Variants in SLC35G2 observed in about 807,000 individuals in gnomAD.
SLC35G2 encodes transmembrane protein 22.
In SLC35G2, 20 loss-of-function variants were observed where a neutral mutation model predicts 27.2. The ratio of observed to expected loss-of-function variants is 0.74; its 90% CI spans 0.52 to 1.07. The LOEUF is 1.07. SLC35G2 is among the 50% of genes least tolerant of loss of function. SLC35G2 has a pLI of 0.00. For missense variants in SLC35G2, 416 were observed against 493.3 expected, an observed-to-expected ratio of 0.84 and a Z score of 1.48; for synonymous variants, 148 against 165.3, an observed-to-expected ratio of 0.90 and a Z score of 0.80.
intron 1 of SLC35G2, among the ~76,000 whole-genome samples, chr3:136,850,551 C>A (rs1188633074): frequency 6.6e-6 from 1 of 151,472 alleles, no homozygotes; most frequent in Non-Finnish European, 1.5e-5. Context: ...ATCCTTTCTT[C>A]TATTAAACTC....
At chr3:136,851,463 G>A (rs1052167411) in intron 1 of SLC35G2, among the ~76,000 whole-genome samples, 7 of 115,532 alleles carry the variant, frequency 6.1e-5, no homozygotes, top group African/African-American at 1.9e-4. Context: ...GTGCCACTGC[G>A]CTCCAGCCTG....
chr3:136,845,570 A>C (rs1937334054), intron 1 of SLC35G2, among the ~76,000 whole-genome samples: 1 of 151,588 alleles, frequency 6.6e-6, no homozygotes. Context: ...AAATTACTTA[A>C]GGAACAGCTG....
At chr3:136,825,185 G>C (rs1936554698) in intron 1 of SLC35G2, among the ~76,000 whole-genome samples, 1 of 151,946 alleles carries the variant, frequency 6.6e-6, no homozygotes, top group Non-Finnish European at 1.5e-5. Flanking sequence ...TTGAAGGAAA[G>C]GCTTTCAGTT....
At chr3:136,841,969 C>G (rs1937118439) in intron 1 of SLC35G2, 1 of 151,900 alleles carries the variant, frequency 6.6e-6, no homozygotes, top group Non-Finnish European at 1.5e-5. Flanking sequence ...CTAGTATAAA[C>G]AAAAAGTAAT....
rs546821293 is a variant in SLC35G2 at position 136,821,953 on chromosome 3, C to G, written c.-19+2325C>G. Reference sequence around the variant, plus strand: ...GACTTTGACTACTTCATTTTTATTTCTATTTATATTAATTTTTAATTTTTG... The same window carrying G: ...GACTTTGACTACTTCATTTTTATTTGTATTTATATTAATTTTTAATTTTTG... On this transcript the variant is annotated intron_variant, in intron 1 of 1. Coordinates refer to ENST00000446465, the MANE Select transcript of SLC35G2 (RefSeq NM_025246.3). Among the ~76,000 whole-genome samples, 4 of 152,034 alleles carry G rather than the reference C, an allele frequency of 2.6e-5. No homozygotes were observed. In the East Asian group the frequency reaches 5.8e-4, roughly 22 times the overall value.
chr3:136,854,584 A>G lies in SLC35G2; in HGVS notation c.124A>G (p.Asn42Asp). The change falls in exon 2 of 2, where the codon AAT (asparagine) becomes GAT (aspartate). Residue 42 changes from asparagine (N) to aspartate (D), a missense_variant. Coordinates refer to ENST00000446465, the MANE Select transcript of SLC35G2 (RefSeq NM_025246.3). ...QPGDDGYEEI[N>D]EGYGNFMEEN... ...TGGCGATGATGGATATGAAGAAATC[A>G]ATGAAGGCTATGGAAATTTTATGGA... The G allele has an allele frequency of 6.2e-7, 1 of 1,613,346 alleles. No individual in the cohort carries two copies. The highest frequency in any genetic ancestry group is 8.5e-7 in the Non-Finnish European group (1 of 1,179,884).
Position 136,854,447 on chromosome 3 carries a change from G to C in SLC35G2, c.-14G>C. On this transcript the variant is annotated 5_prime_UTR_variant, in exon 2 of 2. Transcript: ENST00000446465. ...TCAATTTTTTTCTTTAAATAGAATT[G>C]ATTATCTGAAGAAATGGATACTTCT... is the stretch of plus-strand genomic sequence containing the variant. The C allele has an allele frequency of 1.9e-6, 3 of 1,546,082 alleles. No individual in the cohort carries two copies. The highest frequency in any genetic ancestry group is 2.6e-6 in the Non-Finnish European group (3 of 1,144,440).
intron 1 of SLC35G2, among the ~76,000 whole-genome samples, chr3:136,852,111 T>C (rs1386527109): frequency 2.6e-5 from 4 of 152,100 alleles, no homozygotes; most frequent in African/African-American, 9.7e-5. Context: ...GGGAAAAAAA[T>C]CTATTTGGGA....
chr3:136,832,869 C>G (rs1376265417), intron 1 of SLC35G2, among the ~76,000 whole-genome samples: 4 of 152,088 alleles, frequency 2.6e-5, no homozygotes, highest in Non-Finnish European at 5.9e-5. Flanking sequence ...GAGATCGACA[C>G]CATCCTGGCT....
intron 1 of SLC35G2, among the ~76,000 whole-genome samples, chr3:136,835,802 C>T (rs1444135999): frequency 1.3e-5 from 2 of 152,048 alleles, no homozygotes; most frequent in Admixed American, 1.3e-4. Flanking sequence ...GATTATAAGC[C>T]ATTACTATCA....
At chr3:136,839,155 G>A (rs2108010643) in intron 1 of SLC35G2, 1 of 151,058 alleles carries the variant, frequency 6.6e-6, no homozygotes, top group South Asian at 2.1e-4. Flanking sequence ...AGTGGTAGAT[G>A]ATAAATGTGT....
intron 1 of SLC35G2, among the ~76,000 whole-genome samples, chr3:136,845,894 G>T (rs558959171): frequency 6.8e-6 from 1 of 146,286 alleles, no homozygotes; most frequent in Non-Finnish European, 1.5e-5. Context: ...GCACCCGGCC[G>T]TAAAAAAAAA....
intron 1 of SLC35G2, among the ~76,000 whole-genome samples, chr3:136,840,111 C>G (rs12486911): frequency 0.35 from 53,234 of 152,118 alleles, 11,569 homozygotes; most frequent in East Asian, 0.75. Flanking sequence ...AACTAAGCAG[C>G]CTTCATCCCC....
At chr3:136,832,806 C>T (rs557053607) in intron 1 of SLC35G2, among the ~76,000 whole-genome samples, 9 of 152,244 alleles carry the variant, frequency 5.9e-5, no homozygotes, top group East Asian at 1.9e-4. Flanking sequence ...TGGTGGCTCA[C>T]GCCTGTAATC....
chr3:136,844,170 GAC>G lies in SLC35G2; in HGVS notation c.-18-10271_-18-10270del, dbSNP rs943624820. ...TTTCGCCACTGCACTCCAGCCTGGCGACAGAGTGAGACTCCGTCTCAAAAAGA... is the reference window on the plus strand; with the variant it reads ...TTTCGCCACTGCACTCCAGCCTGGCGAGAGTGAGACTCCGTCTCAAAAAGA... On this transcript the variant is annotated intron_variant, in intron 1 of 1. Transcript: ENST00000446465. Among the ~76,000 whole-genome samples, 16 of 151,458 alleles carry G rather than the reference GAC, an allele frequency of 1.1e-4. No individual in the cohort carries two copies. In the South Asian group the frequency reaches 2.7e-3, roughly 26 times the overall value.
intron 1 of SLC35G2, among the ~76,000 whole-genome samples, chr3:136,825,605 C>T (rs1463115699): frequency 2.0e-5 from 3 of 152,232 alleles, no homozygotes; most frequent in South Asian, 2.1e-4. Flanking sequence ...GGATTTTTAT[C>T]ATGAAGGGAT....
rs531697446 is a variant in SLC35G2, at chr3:136,854,515, C to T, written c.55C>T (p.Pro19Ser). 3 of 1,604,030 alleles carry T rather than the reference C, an allele frequency of 1.9e-6. No individual in the cohort carries two copies. The highest frequency in any genetic ancestry group is 2.6e-6 in the Non-Finnish European group (3 of 1,175,980). ...YPVKKRVKIH[P>S]NTVMVKYTSH... ...AGTTAAAAAACGGGTGAAAATACATCCCAACACAGTGATGGTGAAATATAC... is the reference window on the plus strand; with the variant it reads ...AGTTAAAAAACGGGTGAAAATACATTCCAACACAGTGATGGTGAAATATAC... Residue 19 changes from proline to serine, a missense_variant, in exon 2 of 2, where the codon CCC (proline) becomes TCC (serine). Transcript: ENST00000446465.
chr3:136,840,077 A>T (rs1180522292), intron 1 of SLC35G2, among the ~76,000 whole-genome samples: 1 of 152,190 alleles, frequency 6.6e-6, no homozygotes, highest in Non-Finnish European at 1.5e-5. Context: ...TCTGGAATCC[A>T]GTATCCATTA....
At chr3:136,838,466 A>G (rs751535424) in intron 1 of SLC35G2, 2 of 152,076 alleles carry the variant, frequency 1.3e-5, no homozygotes, top group Non-Finnish European at 2.9e-5. Flanking sequence ...CTTATCTTAC[A>G]TTGATTTTAA....
Sources: gnomAD v4.1 joint callset for allele counts (sites outside exome capture counted in the v4.1 genomes callset) on GRCh38, gnomAD v4.1.1 for gene constraint, MANE v1.5 for transcripts, NCBI Gene and HGNC (gene_info 2026-07-23, HGNC 2026-07-21) for gene names.